Variants in HGD observed in about 807,000 individuals in gnomAD.
HGD encodes the protein homogentisate oxidase.
Under a neutral mutation model 60.8 loss-of-function variants are expected in HGD, and 61 were observed. The observed-to-expected ratio is 1.00, with a 90% CI of 0.82 to 1.24. The LOEUF (loss-of-function observed/expected upper bound fraction) is 1.24. HGD is among the 50% of genes most tolerant of loss of function. The probability of loss-of-function intolerance (pLI) is 0.00; values close to 1 mark genes in which losing one functional copy is unlikely to be tolerated. For missense variants in HGD, 542 were observed against 547.1 expected (o/e 0.99, Z 0.09); for synonymous variants, 212 against 187.7 (o/e 1.13, Z -1.06).
Position 120,647,395 on chromosome 3 carries a change from C to T in HGD, c.470-343G>A, listed in dbSNP as rs146399600. The stretch of plus-strand genomic sequence containing the variant: ...CTGACATTTGCTTGTGTGACATATA[C>T]ACGAAAATGTTGATTCCAAAATATT... On this transcript the variant is annotated intron_variant, in intron 7 of 13. Coordinates refer to ENST00000283871, the MANE Select transcript of HGD (RefSeq NM_000187.4). 5.0e-3 allele frequency among the ~76,000 whole-genome samples: 762 copies of T among 152,236 alleles called. 2 individuals carry two copies. Among genetic ancestry groups the T allele is most frequent in the African/African-American group, 0.018 (734 of 41,538 alleles).
intron 11 of HGD, among the ~76,000 whole-genome samples, chr3:120,639,425 T>G (rs1026980975): frequency 2.0e-5 from 3 of 152,206 alleles, no homozygotes; most frequent in Admixed American, 2.0e-4. Flanking sequence ...GTCATCAAGG[T>G]GCAATAATCA....
chr3:120,640,942 T>A (rs983436406), intron 11 of HGD, among the ~76,000 whole-genome samples: 3 of 152,028 alleles, frequency 2.0e-5, no homozygotes, highest in Non-Finnish European at 1.5e-5. Flanking sequence ...CAAAATGAAC[T>A]TCCCCCCGGG....
At chr3:120,630,798 T>TTTTATATATATATA (rs1940560061) in intron 13 of HGD, among the ~76,000 whole-genome samples, 1 of 88,028 alleles carries the variant, frequency 1.1e-5, no homozygotes, top group African/African-American at 6.2e-5. Context: ...CTTAAGAGCT[T>TTTTATATATATATA]TATATATATA....
At chr3:120,628,649 G>GTTA in intron 13 of HGD, 120 bp from the exon 14 acceptor site, 1 of 1,178,012 alleles carries the variant, frequency 8.5e-7, no homozygotes, top group Non-Finnish European at 1.2e-6. Context: ...TCAAAGATTT[G>GTTA]TGTGCTAGAG....
At chr3:120,657,638 G>T (rs112947670) in intron 4 of HGD, among the ~76,000 whole-genome samples, 37 of 152,226 alleles carry the variant, frequency 2.4e-4, no homozygotes, top group African/African-American at 8.9e-4. Context: ...TTGCTATAAA[G>T]AATTACCTGA....
chr3:120,656,052 C>A (rs61799866), intron 4 of HGD, among the ~76,000 whole-genome samples: 1 of 152,144 alleles, frequency 6.6e-6, no homozygotes, highest in African/African-American at 2.4e-5. Flanking sequence ...TAAAAGAGAT[C>A]ATAAATGTGG....
At position 120,633,148 on chromosome 3, in the gene HGD, A is replaced by G. The variant is rs1940642542; in HGVS notation, c.1187T>C (p.Met396Thr). The G allele has an allele frequency of 5.0e-6, 8 of 1,613,898 alleles. No individual in the cohort carries two copies. The highest frequency in any genetic ancestry group is 1.3e-5 in the African/African-American group (1 of 74,920). ...LAPERIADGT[M>T]AFMFESSLSL... ...GAATGTGGCAGTTAACATACTTACC[A>G]TGGTGCCATCGGCAATCCTCTCAGG... The change falls in exon 13 of 14, where the codon ATG becomes ACG. Residue 396 changes from methionine to threonine, a missense_variant and splice_region_variant. Around this residue, in one of 2 missense-constraint regions of HGD, gnomAD observed 537 missense variants for 529.1 expected, o/e 1.01. Transcript: ENST00000283871.
intron 10 of HGD, among the ~76,000 whole-genome samples, chr3:120,644,027 T>G (rs1271737977): frequency 6.6e-6 from 1 of 152,208 alleles, no homozygotes. Context: ...TTGCTAATAT[T>G]TTCATTGCTT....
chr3:120,670,929 G>C (rs1708013073), intron 3 of HGD, among the ~76,000 whole-genome samples: 1 of 152,190 alleles, frequency 6.6e-6, no homozygotes, highest in Non-Finnish European at 1.5e-5. Flanking sequence ...TGGAAGGCAA[G>C]AACAATGAGT....
chr3:120,661,837 A>G (rs1707775939), intron 4 of HGD, among the ~76,000 whole-genome samples: 1 of 152,256 alleles, frequency 6.6e-6, no homozygotes, highest in Non-Finnish European at 1.5e-5. Context: ...TTATAGAATG[A>G]TAGGATCTGA....
chr3:120,678,544 T>A (rs1270376512), intron 1 of HGD, among the ~76,000 whole-genome samples: 1 of 152,152 alleles, frequency 6.6e-6, no homozygotes, highest in Non-Finnish European at 1.5e-5. Flanking sequence ...CACGAGTTAG[T>A]ATAAATGGTT....
intron 4 of HGD, among the ~76,000 whole-genome samples, chr3:120,669,447 GCA>G (rs59426684): frequency 0.19 from 27,881 of 145,496 alleles, 2,541 homozygotes; most frequent in Middle Eastern, 0.27. Context: ...GTGCGCATGT[GCA>G]CACACACACA....
chr3:120,679,650 T>C (rs1301510831), intron 1 of HGD, among the ~76,000 whole-genome samples: 1 of 152,166 alleles, frequency 6.6e-6, no homozygotes, highest in African/African-American at 2.4e-5. Flanking sequence ...AAAGGGAGAT[T>C]TGACTTATAA....
intron 3 of HGD, among the ~76,000 whole-genome samples, chr3:120,671,441 A>T (rs1447086125): frequency 1.3e-5 from 2 of 152,092 alleles, no homozygotes; most frequent in East Asian, 3.8e-4. Context: ...GAAGTCCTTT[A>T]TCATTTTCTA....
Position 120,670,406 on chromosome 3 carries a change from C to T in HGD, c.282+21G>A, listed in dbSNP as rs564582898. On this transcript the variant is annotated intron_variant, in intron 4 of 13. Transcript: ENST00000283871. The stretch of plus-strand genomic sequence containing the variant: ...AAGGCTTTGGGTATATGATAAGCTT[C>T]AATTCACAGGACCAGGTTACCTGGT... The T allele has an allele frequency of 3.6e-5, 43 of 1,209,700 alleles. No homozygotes were observed. The South Asian group carries it at 5.0e-4, about 14-fold the overall frequency. The allele number at this position is 1,209,700 out of a possible 1,614,324, so 74.9% of individuals were successfully genotyped here.
At position 120,638,592 on chromosome 3, in the gene HGD, A is replaced by G. The variant is rs1347970022; in HGVS notation, c.880-11T>C. The G allele has an allele frequency of 1.2e-6, 2 of 1,613,658 alleles. No homozygotes were observed. Among genetic ancestry groups the G allele is most frequent in the Admixed American group, 3.3e-5 (2 of 60,002 alleles). The stretch of plus-strand genomic sequence containing the variant: ...GAAAATGGATGGGTCCTGTGAACAC[A>G]CAAGGAGAGACTGAACGCATGATGC... On this transcript the variant is annotated splice_polypyrimidine_tract_variant and intron_variant, in intron 11 of 13. Transcript: ENST00000283871.
At chr3:120,645,599 T>C (rs188136040) in intron 9 of HGD, among the ~76,000 whole-genome samples, 304 of 152,314 alleles carry the variant, frequency 2.0e-3, no homozygotes, top group Admixed American at 6.1e-3. Context: ...GTGTGGTTTC[T>C]AGATCTCTCA....
In HGD at chr3:120,670,454, C is replaced by T. The variant is rs1291206526; in HGVS notation, c.255G>A (p.Trp85Ter). 1.2e-6 allele frequency: 2 copies of T among 1,603,616 alleles called. No individual in the cohort carries two copies. The highest frequency in any genetic ancestry group is 3.3e-5 in the Admixed American group (2 of 59,972). Reference protein sequence around the residue: ...SIDEGQVTHNWDEVDPDPNQL... With the variant: ...SIDEGQVTHN ...GGTTAGGATCAGGATCAACTTCATC[C>T]CAGTTGTGAGTGACTTGGCCTTCGT... The change falls in exon 4 of 14, where the codon TGG becomes TGA. Residue 85 changes from tryptophan to a stop codon, truncating the protein, a stop_gained. Transcript: ENST00000283871. LOFTEE classifies it high-confidence loss of function.
At chr3:120,670,580 G>T in intron 3 of HGD, 48 bp from the exon 4 acceptor site, 1 of 1,067,494 alleles carries the variant, frequency 9.4e-7, no homozygotes, top group South Asian at 1.2e-5. Context: ...GTAATGTTCT[G>T]AGTGATACAC....
Sources: allele counts gnomAD v4.1 joint callset (sites outside exome capture counted in the v4.1 genomes callset), GRCh38; gene constraint gnomAD v4.1.1; regional missense constraint gnomAD v4.1.1; transcripts MANE v1.5; gene names NCBI Gene and HGNC (gene_info 2026-07-23, HGNC 2026-07-21).